The following DEFB104A variants were observed in gnomAD, a reference collection of about 807,000 sequenced individuals.
DEFB104A encodes the protein defensin beta 104A, also known as beta-defensin 104.
intron 1 of DEFB104A, among the ~76,000 whole-genome samples, chr8:7,838,858 A>G (rs1377245011): frequency 4.3e-5 from 6 of 141,140 alleles, no homozygotes; most frequent in Admixed American, 3.6e-4. Flanking sequence ...CCTTGACAAA[A>G]TAAACTTTCT....
At position 7,837,759 on chromosome 8, in the gene DEFB104A, T is replaced by C. The variant is rs1414401690; in HGVS notation, c.58+1217T>C. On this transcript the variant is annotated intron_variant, in intron 1 of 1. Coordinates refer to ENST00000314265, the MANE Select transcript of DEFB104A (RefSeq NM_080389.3). ...GGCTGGGTCAGACTGTCCTCTGCAG[T>C]TGAATTCTGAGAAAGACCATTAGCA... 2.1e-5 allele frequency among the ~76,000 whole-genome samples: 3 copies of C among 140,046 alleles called. No homozygotes were observed. The Admixed American group carries it at 2.2e-4, about 10-fold the overall frequency. 91.9% of individuals were successfully genotyped at this position (140,046 alleles called of 152,430 possible). A position where few individuals can be genotyped will look rare whatever the true frequency, so the allele number is the denominator to read the frequency against.
rs1305057109 is a variant in DEFB104A at position 7,837,460 on chromosome 8, G to A, written c.58+918G>A. Among the ~76,000 whole-genome samples the A allele has an allele frequency of 4.9e-5, 7 of 142,660 alleles. 1 individual carries two copies. The East Asian group carries it at 1.6e-3, about 33-fold the overall frequency. The allele number at this position is 142,660 out of a possible 152,430, so 93.6% of individuals were successfully genotyped here. The stretch of plus-strand genomic sequence containing the variant: ...TGTGCCTCCACTGTGATTCAGATGG[G>A]TTAATGATTTTTTTTCAGAGGGTAC... On this transcript the variant is annotated intron_variant, in intron 1 of 1. Transcript: ENST00000314265.
intron 1 of DEFB104A, among the ~76,000 whole-genome samples, chr8:7,838,931 T>C: frequency 7.1e-6 from 1 of 141,140 alleles, no homozygotes; most frequent in Non-Finnish European, 1.6e-5. Flanking sequence ...AGGAGGAAAA[T>C]TGCTTATGCA....
At chr8:7,839,309 C>T (rs1397658724) in intron 1 of DEFB104A, among the ~76,000 whole-genome samples, 2 of 144,636 alleles carry the variant, frequency 1.4e-5, no homozygotes, top group African/African-American at 2.5e-5. Flanking sequence ...CCTCCTCTAA[C>T]TCCAGGTTGT....
chr8:7,839,935 CTTGCTTCTGGGTT>C (rs1817726141), intron 1 of DEFB104A, among the ~76,000 whole-genome samples: 1 of 147,878 alleles, frequency 6.8e-6, no homozygotes, highest in South Asian at 2.2e-4. Flanking sequence ...TACCATCAGC[CTTGCTTCTGGGTT>C]TTCCTGATAT....
Position 7,837,051 on chromosome 8 carries a change from T to TCAGTAGG in DEFB104A, c.58+512_58+518dup, listed in dbSNP as rs1211060587. On this transcript the variant is annotated intron_variant, in intron 1 of 1. Transcript: ENST00000314265. ...TAGGGTTAAAGGGGATGCAGTGATTTCAGTAGGCAAGAACGTAATTTACTG... is the reference window on the plus strand; with the variant it reads ...TAGGGTTAAAGGGGATGCAGTGATTTCAGTAGGCAGTAGGCAAGAACGTAATTTACTG... Among the ~76,000 whole-genome samples the TCAGTAGG allele has an allele frequency of 2.0e-4, 29 of 142,000 alleles. 4 individuals are homozygous for TCAGTAGG. Among genetic ancestry groups the TCAGTAGG allele is most frequent in the Non-Finnish European group, 9.1e-5 (6 of 65,622 alleles). 93.2% of individuals were successfully genotyped at this position (142,000 alleles called of 152,430 possible).
intron 1 of DEFB104A, among the ~76,000 whole-genome samples, chr8:7,839,439 G>A (rs1158855721): frequency 7.0e-6 from 1 of 142,526 alleles, no homozygotes; most frequent in African/African-American, 2.5e-5. Context: ...CTTGTACTGT[G>A]ACCACAAGGG....
chr8:7,838,575 G>T (rs1817693128), intron 1 of DEFB104A, among the ~76,000 whole-genome samples: 3 of 145,324 alleles, frequency 2.1e-5, no homozygotes, highest in African/African-American at 7.5e-5. Context: ...AGCTGCTCAG[G>T]AGGCGGAGGC....
At chr8:7,836,752 T>A (rs1161141999) in intron 1 of DEFB104A, among the ~76,000 whole-genome samples, 1 of 145,776 alleles carries the variant, frequency 6.9e-6, no homozygotes, top group African/African-American at 2.6e-5. Flanking sequence ...GCTTACTAGC[T>A]CAAGGAGGAA....
In DEFB104A at chr8:7,836,975, C is replaced by T. The variant is rs1365935389; in HGVS notation, c.58+433C>T. ...CAGCTTTACTCTGCACAGAAAAGGG[C>T]GCCTACTCATCCTCCTAAATTTTGC... On this transcript the variant is annotated intron_variant, in intron 1 of 1. Coordinates refer to ENST00000314265, the MANE Select transcript of DEFB104A (RefSeq NM_080389.3). Among the ~76,000 whole-genome samples the T allele has an allele frequency of 6.0e-4, 85 of 142,820 alleles. 8 individuals are homozygous for T. Among genetic ancestry groups the T allele is most frequent in the East Asian group, 1.6e-3 (7 of 4,348 alleles). 93.7% of individuals were successfully genotyped at this position (142,820 alleles called of 152,430 possible).
chr8:7,837,387 A>C (rs1377618967), intron 1 of DEFB104A, among the ~76,000 whole-genome samples: 2 of 141,712 alleles, frequency 1.4e-5, no homozygotes, highest in African/African-American at 5.3e-5. Flanking sequence ...AGTCAATTTT[A>C]TGGGGCTTTG....
rs147571393 is a variant in DEFB104A, at chr8:7,837,424, C to T, written c.58+882C>T. On this transcript the variant is annotated intron_variant, in intron 1 of 1. Coordinates refer to ENST00000314265, the MANE Select transcript of DEFB104A (RefSeq NM_080389.3). Reference sequence around the variant, plus strand: ...CAGACACCCAGCACCCATCTTTTTGCCCTTCCGGGCTGTGCCTCCACTGTG... The same window carrying T: ...CAGACACCCAGCACCCATCTTTTTGTCCTTCCGGGCTGTGCCTCCACTGTG... Among the ~76,000 whole-genome samples the T allele has an allele frequency of 1.7e-3, 246 of 142,832 alleles. 25 individuals carry two copies. Among genetic ancestry groups the T allele is most frequent in the African/African-American group, 6.4e-3 (244 of 38,246 alleles). The allele number at this position is 142,832 out of a possible 152,430, so 93.7% of individuals were successfully genotyped here.
In DEFB104A at chr8:7,836,711, G is replaced by A. The variant is rs1275352855; in HGVS notation, c.58+169G>A. ...GTCCATTAGTAAAATGCAGTATGTGGCAGTCCTTGTATGCACCTTACAGCC... is the reference window on the plus strand; with the variant it reads ...GTCCATTAGTAAAATGCAGTATGTGACAGTCCTTGTATGCACCTTACAGCC... On this transcript the variant is annotated intron_variant, in intron 1 of 1. Transcript: ENST00000314265. 2.7e-4 allele frequency among the ~76,000 whole-genome samples: 40 copies of A among 146,760 alleles called. 3 individuals carry two copies. Among genetic ancestry groups the A allele is most frequent in the African/African-American group, 1.0e-3 (40 of 38,626 alleles).
chr8:7,840,279 GA>G (rs1471143493), intron 1 of DEFB104A, among the ~76,000 whole-genome samples: 1 of 141,596 alleles, frequency 7.1e-6, no homozygotes, highest in Admixed American at 7.3e-5. Context: ...CTCATAGTTC[GA>G]ATGAGAATAG....
At chr8:7,838,729 C>T (rs1316936688) in intron 1 of DEFB104A, among the ~76,000 whole-genome samples, 9 of 141,666 alleles carry the variant, frequency 6.4e-5, no homozygotes, top group African/African-American at 1.5e-4. Flanking sequence ...AAATCTTACA[C>T]GTCTTGATTG....
At chr8:7,839,324 C>T (rs2740017) in intron 1 of DEFB104A, among the ~76,000 whole-genome samples, 124,911 of 139,368 alleles carry the variant, frequency 0.9, 56,076 homozygotes, top group Non-Finnish European at 1. Flanking sequence ...GGTTGTAAAG[C>T]GACCTGCCAC....
chr8:7,837,683 C>G (rs1280728979), intron 1 of DEFB104A, among the ~76,000 whole-genome samples: 16 of 143,594 alleles, frequency 1.1e-4, no homozygotes, highest in Non-Finnish European at 2.1e-4. Flanking sequence ...CTCCAGATCC[C>G]GAAGAATGCA....
rs571661845 is a variant in DEFB104A at position 7,839,671 on chromosome 8, G to A, written c.59-1363G>A. Among the ~76,000 whole-genome samples the A allele has an allele frequency of 8.0e-5, 9 of 112,006 alleles. No individual in the cohort carries two copies. The South Asian group carries it at 2.4e-3, about 30-fold the overall frequency. 73.5% of individuals were successfully genotyped at this position (112,006 alleles called of 152,430 possible). On this transcript the variant is annotated intron_variant, in intron 1 of 1. Transcript: ENST00000314265. ...AATGAAAGACATAAAACCCTGGTGC[G>A]AGGATTAGCAGCCCGTTTCTGCTTT...
chr8:7,836,730 T>A (rs1476480023), intron 1 of DEFB104A, among the ~76,000 whole-genome samples, 188 bp downstream of exon 1: 12 of 146,454 alleles, frequency 8.2e-5, no homozygotes, highest in African/African-American at 2.9e-4. Context: ...GTATGCACCT[T>A]ACAGCCACGA....
Sources: allele counts gnomAD v4.1 joint callset (sites outside exome capture counted in the v4.1 genomes callset), GRCh38; gene constraint gnomAD v4.1.1; transcripts MANE v1.5; gene names NCBI Gene and HGNC (gene_info 2026-07-23, HGNC 2026-07-21).